The following ATP2C1 variants were observed in gnomAD, a reference collection of about 807,000 sequenced individuals.
ATP2C1 encodes ATPase secretory pathway Ca2+ transporting 1.
Under a neutral mutation model 120.5 loss-of-function variants are expected in ATP2C1, and 31 were observed. The ratio of observed to expected loss-of-function variants is 0.26; its 90% CI spans 0.19 to 0.35. The LOEUF is 0.35. Ranked by LOEUF, ATP2C1 falls within the 10% of genes least tolerant of loss-of-function variation. ATP2C1 has a pLI of 1.00. For synonymous variants in ATP2C1, 351 were observed against 358.7 expected (o/e 0.98, Z 0.24); for missense variants, 731 against 1,107.5 (o/e 0.66, Z 4.83).
At chr3:130,937,341 G>C in intron 5 of ATP2C1, 87 bp from the exon 6 acceptor site, 1 of 1,083,392 alleles carries the variant, frequency 9.2e-7, no homozygotes, top group South Asian at 1.3e-5. Context: ...GTTATTGTGG[G>C]ACTGCAGATA....
At chr3:130,977,241 CCT>C (rs749098582) in intron 18 of ATP2C1, among the ~76,000 whole-genome samples, 8 of 152,068 alleles carry the variant, frequency 5.3e-5, no homozygotes, top group Non-Finnish European at 1.2e-4. Context: ...CTGTTACTCC[CCT>C]GATTCACCTG....
chr3:130,917,866 T>C (rs2058753849), intron 2 of ATP2C1, among the ~76,000 whole-genome samples: 1 of 152,232 alleles, frequency 6.6e-6, no homozygotes, highest in African/African-American at 2.4e-5. Context: ...TGAATTTGTA[T>C]TATTTTAGAT....
intron 1 of ATP2C1, chr3:130,868,403 G>A (rs868627572): frequency 0.01 from 1,316 of 128,542 alleles, 72 homozygotes; most frequent in Non-Finnish European, 0.016. Context: ...CTGGCCAGCC[G>A]CCCAGTCCGG....
Position 130,894,267 on chromosome 3 carries a change from C to T in ATP2C1, c.-251C>T. On this transcript the variant is annotated 5_prime_UTR_variant, in exon 1 of 28. Transcript: ENST00000510168. The surrounding 1 kb of genome is among the most constrained non-coding windows in gnomAD (Gnocchi z 4.5). ...GCGAGCAGCTCCTCTTCTCCCGAGG[C>T]GCGCGGGGCGCCCCCGCGAGCCCCG... The T allele has an allele frequency of 1.0e-6, 1 of 985,842 alleles. No individual in the cohort carries two copies. The highest frequency in any genetic ancestry group is 1.2e-6 in the Non-Finnish European group (1 of 830,334). The allele number at this position is 985,842 out of a possible 1,614,324, so 61.1% of individuals were successfully genotyped here.
At chr3:130,980,137 C>T (rs111805891) in intron 19 of ATP2C1, among the ~76,000 whole-genome samples, 20 of 152,264 alleles carry the variant, frequency 1.3e-4, no homozygotes, top group Admixed American at 1.3e-4. Flanking sequence ...TGTCTGGCTT[C>T]GGACACTGTA....
At chr3:130,970,618 C>T (rs2061266783) in intron 17 of ATP2C1, among the ~76,000 whole-genome samples, 2 of 152,084 alleles carry the variant, frequency 1.3e-5, no homozygotes, top group Non-Finnish European at 2.9e-5. Flanking sequence ...GGTCTTGAAC[C>T]CCTGGACTCA....
Position 130,967,398 on chromosome 3 carries a change from C to T in ATP2C1, c.1287C>T (p.Ala429=). ...NTLMGKPTEG[A]LIALAMKMGL... is the part of the protein sequence containing the mutation. ...TAATGGGGAAGCCAACAGAAGGGGC[C>T]TTAATTGCTCTTGCAATGAAGGTAC... The change falls in exon 16 of 28, where the codon GCC becomes GCT. Residue 429 remains alanine (A), a synonymous_variant. Transcript: ENST00000510168. The T allele has an allele frequency of 1.9e-6, 3 of 1,613,658 alleles. No homozygotes were observed. Among genetic ancestry groups the T allele is most frequent in the Non-Finnish European group, 2.5e-6 (3 of 1,179,714 alleles).
chr3:130,908,728 C>T (rs952234219), intron 2 of ATP2C1, among the ~76,000 whole-genome samples: 10 of 151,734 alleles, frequency 6.6e-5, no homozygotes, highest in African/African-American at 2.4e-4. Context: ...TTTTTTCTGT[C>T]AGTTTGATTG....
chr3:130,936,816 C>CAAA (rs34156218), intron 5 of ATP2C1, among the ~76,000 whole-genome samples: 26 of 77,784 alleles, frequency 3.3e-4, no homozygotes, highest in East Asian at 9.9e-4. Context: ...GACTCTGTCT[C>CAAA]AAAAAAAAAA....
At chr3:130,971,255 A>G (rs1412843776) in intron 17 of ATP2C1, among the ~76,000 whole-genome samples, 1 of 152,172 alleles carries the variant, frequency 6.6e-6, no homozygotes, top group Non-Finnish European at 1.5e-5. Flanking sequence ...TAATCTACCA[A>G]AGTTTTACAT....
intron 26 of ATP2C1, 119 bp from the exon 27 acceptor site, chr3:130,999,399 T>G (rs2062784557): frequency 2.1e-6 from 2 of 934,736 alleles, no homozygotes. Flanking sequence ...TTCATAGAAT[T>G]GACATTGCAC....
intron 4 of ATP2C1, among the ~76,000 whole-genome samples, chr3:130,932,530 A>G (rs2059492358): frequency 6.6e-6 from 1 of 152,086 alleles, no homozygotes; most frequent in Non-Finnish European, 1.5e-5. Context: ...TTACACCTTC[A>G]TTTCTTACCA....
chr3:130,994,689 A>G (rs369058058), intron 22 of ATP2C1, among the ~76,000 whole-genome samples: 2 of 151,918 alleles, frequency 1.3e-5, no homozygotes, highest in East Asian at 3.9e-4. Context: ...TACCTGTTGG[A>G]TGACCTGAGT....
intron 1 of ATP2C1, among the ~76,000 whole-genome samples, chr3:130,876,109 T>A (rs1430589475): frequency 6.6e-6 from 1 of 152,076 alleles, no homozygotes; most frequent in Non-Finnish European, 1.5e-5. Flanking sequence ...TACTCTTTGT[T>A]GTGCAGAGGC....
chr3:130,999,787 C>T, intron 27 of ATP2C1, 128 bp downstream of exon 27: 1 of 952,496 alleles, frequency 1.0e-6, no homozygotes, highest in South Asian at 1.7e-5. Flanking sequence ...AAAAAGGAGT[C>T]TATTTTTTCA....
In ATP2C1 at chr3:130,998,233, G is replaced by C. The variant is rs185998426; in HGVS notation, c.2392-61G>C. ...AGAAAATGTTTATATTTTTTAAAAA[G>C]CAGCGATTTATCCATTAAATTCAGC... On this transcript the variant is annotated intron_variant, in intron 25 of 27. Coordinates refer to ENST00000510168, the MANE Select transcript of ATP2C1 (RefSeq NM_001378687.1). 10 of 1,092,270 alleles carry C rather than the reference G, an allele frequency of 9.2e-6. No homozygotes were observed. The Admixed American group carries it at 1.7e-4, about 18-fold the overall frequency. 67.7% of individuals were successfully genotyped at this position (1,092,270 alleles called of 1,614,324 possible).
chr3:130,978,530 A>G (rs1459646317), intron 18 of ATP2C1, among the ~76,000 whole-genome samples: 2 of 152,208 alleles, frequency 1.3e-5, no homozygotes, highest in East Asian at 1.9e-4. Context: ...ACTTTGTACT[A>G]TATCTTACAT....
chr3:130,932,172 A>G, intron 4 of ATP2C1, 34 bp downstream of exon 4: 2 of 1,224,608 alleles, frequency 1.6e-6, no homozygotes, highest in Non-Finnish European at 2.4e-6. Context: ...CTACTGTGTA[A>G]TTTATTAATA....
chr3:130,994,869 G>A (rs1026145231), intron 22 of ATP2C1, among the ~76,000 whole-genome samples: 4 of 152,094 alleles, frequency 2.6e-5, no homozygotes, highest in Non-Finnish European at 5.9e-5. Context: ...GAAATGGGGA[G>A]TTGATTAAAA....
Sources: allele counts gnomAD v4.1 joint callset (sites outside exome capture counted in the v4.1 genomes callset), GRCh38; gene constraint gnomAD v4.1.1; non-coding constraint Gnocchi (gnomAD v3.1); transcripts MANE v1.5; gene names NCBI Gene and HGNC (gene_info 2026-07-23, HGNC 2026-07-21).